The following SUN3 variants were observed in gnomAD, a reference collection of about 807,000 sequenced individuals.
The protein encoded by SUN3 is Sad1 and UNC84 domain containing 3.
A neutral mutation model predicts 48.2 loss-of-function variants in SUN3; 36 were observed. The ratio of observed to expected loss-of-function variants is 0.75; its 90% CI spans 0.57 to 0.99. SUN3 has a LOEUF of 0.99. SUN3 is among the 50% of genes least tolerant of loss of function. The pLI is 0.00. For synonymous variants in SUN3, 148 were observed against 147.9 expected (o/e 1.00, Z 0.00); for missense variants, 419 against 433.1 (o/e 0.97, Z 0.29).
chr7:48,004,358 C>A (rs1406628289), intron 6 of SUN3, among the ~76,000 whole-genome samples: 1 of 152,238 alleles, frequency 6.6e-6, no homozygotes, highest in Non-Finnish European at 1.5e-5. Flanking sequence ...CTTCATCAAT[C>A]AACCAAGAAA....
chr7:48,020,506 G>A (rs1462101654), intron 2 of SUN3, among the ~76,000 whole-genome samples: 1 of 152,120 alleles, frequency 6.6e-6, no homozygotes, highest in Non-Finnish European at 1.5e-5. Context: ...CATCCAAACT[G>A]CAATGAAAGA....
chr7:48,032,019 C>A (rs1391550553), upstream of SUN3, among the ~76,000 whole-genome samples: 1 of 152,128 alleles, frequency 6.6e-6, no homozygotes, highest in East Asian at 1.9e-4. Context: ...TAGGTGAATA[C>A]TGTATGATCT....
chr7:48,029,219 A>C (rs1032758731), upstream of SUN3: 1 of 386,248 alleles, frequency 2.6e-6, no homozygotes, highest in Non-Finnish European at 4.8e-6. Flanking sequence ...TAATTGTACC[A>C]TATGTCACAC....
chr7:48,035,494 G>A, the SUN3 span: 1 of 697,382 alleles, frequency 1.4e-6, no homozygotes, highest in South Asian at 1.5e-5. This position sits in a 1 kb window ranked among gnomAD's most constrained non-coding sequence, Gnocchi z 4.0. Flanking sequence ...CCGTTCAGCC[G>A]TTGCCCTGGC....
chr7:48,031,895 G>C (rs1345801983), upstream of SUN3, among the ~76,000 whole-genome samples: 1 of 151,944 alleles, frequency 6.6e-6, no homozygotes, highest in East Asian at 1.9e-4. Flanking sequence ...GTGGTGGGGG[G>C]AGAGAAAGAG....
At chr7:47,997,001 C>A (rs1452618349) in intron 6 of SUN3, among the ~76,000 whole-genome samples, 1 of 152,028 alleles carries the variant, frequency 6.6e-6, no homozygotes, top group Non-Finnish European at 1.5e-5. Flanking sequence ...AGGGTTTCAC[C>A]ATGTTGGCCA....
chr7:47,987,185 A>AT lies in SUN3; in HGVS notation c.*144dup. ...CCATATTTTTTTATTAGTAAAATGC[A>AT]TTTACTTTTTACAGGCAAGTATGAA... On this transcript the variant is annotated 3_prime_UTR_variant, in exon 10 of 10. Transcript: ENST00000297325. 1 of 707,288 alleles carries AT rather than the reference A, an allele frequency of 1.4e-6. No homozygotes were observed. The highest frequency in any genetic ancestry group is 2.1e-6 in the Non-Finnish European group (1 of 472,176). The allele number at this position is 707,288 out of a possible 1,614,324, so 43.8% of individuals were successfully genotyped here.
intron 1 of SUN3, 56 bp from the exon 2 acceptor site, chr7:48,025,994 C>G: frequency 7.8e-7 from 1 of 1,282,376 alleles, no homozygotes; most frequent in Non-Finnish European, 1.1e-6. Context: ...ATGCATTTAA[C>G]TTGGACTTTA....
chr7:48,021,345 G>C (rs73337808), intron 2 of SUN3, among the ~76,000 whole-genome samples: 13,193 of 152,016 alleles, frequency 0.087, 1,904 homozygotes, highest in African/African-American at 0.3. Context: ...CAGGTCATTG[G>C]TCTGGGCAAA....
intron 6 of SUN3, among the ~76,000 whole-genome samples, chr7:48,001,737 C>T (rs1460261797): frequency 3.3e-5 from 5 of 151,832 alleles, no homozygotes; most frequent in South Asian, 2.1e-4. Context: ...AGGGTTTCAC[C>T]GCGTTAGCCA....
upstream of SUN3, among the ~76,000 whole-genome samples, chr7:48,033,351 A>G (rs1011580888): frequency 2.6e-5 from 4 of 152,098 alleles, no homozygotes; most frequent in African/African-American, 9.7e-5. Context: ...CCTTGAGGCC[A>G]GGAGTTGGAG....
intron 3 of SUN3, among the ~76,000 whole-genome samples, chr7:48,016,623 T>C (rs77955651): frequency 0.024 from 3,620 of 152,302 alleles, 84 homozygotes; most frequent in Non-Finnish European, 0.031. Flanking sequence ...CATACTCCTG[T>C]CCAGTGTCAG....
intron 1 of SUN3, among the ~76,000 whole-genome samples, 189 bp downstream of exon 1, chr7:48,028,628 T>C (rs764878095): frequency 2.6e-5 from 4 of 152,010 alleles, no homozygotes; most frequent in African/African-American, 4.8e-5. Flanking sequence ...ACCGTTGACA[T>C]AGAAGTATTG....
chr7:48,012,147 C>T (rs907845761), intron 3 of SUN3, among the ~76,000 whole-genome samples: 4 of 152,178 alleles, frequency 2.6e-5, no homozygotes, highest in South Asian at 2.1e-4. Flanking sequence ...CATGACAAAG[C>T]CTATGTCAGG....
At chr7:48,004,010 T>A (rs930309300) in intron 6 of SUN3, among the ~76,000 whole-genome samples, 9 of 152,224 alleles carry the variant, frequency 5.9e-5, no homozygotes, top group African/African-American at 2.2e-4. Context: ...GCATATATAG[T>A]CAATATTTAT....
At chr7:48,030,228 A>AT (rs1208628350), upstream of SUN3, among the ~76,000 whole-genome samples, 1 of 151,770 alleles carries the variant, frequency 6.6e-6, no homozygotes, top group Non-Finnish European at 1.5e-5. Context: ...TGTAAGTGTT[A>AT]TTTTTCAATT....
upstream of SUN3, among the ~76,000 whole-genome samples, chr7:48,029,806 A>G (rs1007594543): frequency 6.6e-6 from 1 of 152,194 alleles, no homozygotes; most frequent in Non-Finnish European, 1.5e-5. Context: ...CACTCTCAGC[A>G]CTTTGGAGAT....
intron 2 of SUN3, chr7:48,018,726 T>C (rs1789884693): frequency 6.6e-6 from 1 of 152,560 alleles, no homozygotes; most frequent in Non-Finnish European, 1.5e-5. Context: ...ATCTGAATTC[T>C]AGAGTTATTA....
chr7:48,021,152 G>A (rs1414745329), intron 2 of SUN3, among the ~76,000 whole-genome samples: 3 of 151,938 alleles, frequency 2.0e-5, no homozygotes, highest in Non-Finnish European at 4.4e-5. Flanking sequence ...AAGAACATAC[G>A]CTGGGGAAAT....
Sources: gnomAD v4.1 joint callset for allele counts (sites outside exome capture counted in the v4.1 genomes callset) on GRCh38, gnomAD v4.1.1 for gene constraint, Gnocchi (gnomAD v3.1) non-coding constraint, MANE v1.5 for transcripts, NCBI Gene and HGNC (gene_info 2026-07-23, HGNC 2026-07-21) for gene names.